Variants in CNTN6 observed in about 807,000 individuals in gnomAD.
CNTN6 encodes the protein contactin 6.
A neutral mutation model predicts 122.8 loss-of-function variants in CNTN6; 137 were observed. That is an observed-to-expected ratio of 1.12 (90% CI 0.97 to 1.29). The LOEUF (loss-of-function observed/expected upper bound fraction) is 1.29, where lower values mean the gene tolerates loss of function less well. CNTN6 is among the 50% of genes most tolerant of loss of function. CNTN6 has a pLI of 0.00. For synonymous variants in CNTN6, 570 were observed against 426.0 expected (o/e 1.34, Z -4.16); for missense variants, 1,634 against 1,223.4 (o/e 1.34, Z -5.01).
intron 1 of CNTN6, among the ~76,000 whole-genome samples, chr3:1,102,684 C>T (rs898782159): frequency 6.0e-5 from 9 of 149,592 alleles, no homozygotes; most frequent in East Asian, 2.0e-4. Flanking sequence ...GCAGAGATGG[C>T]GCCACCGCCC....
At chr3:1,204,523 C>A (rs1300131095) in intron 2 of CNTN6, among the ~76,000 whole-genome samples, 1 of 151,636 alleles carries the variant, frequency 6.6e-6, no homozygotes, top group Non-Finnish European at 1.5e-5. Context: ...TACATACAAA[C>A]AATTTCTCTA....
chr3:1,177,265 A>G (rs973652987), intron 2 of CNTN6, among the ~76,000 whole-genome samples: 1 of 152,196 alleles, frequency 6.6e-6, no homozygotes, highest in African/African-American at 2.4e-5. Flanking sequence ...GGGTTTGTTG[A>G]ATAAACTTGA....
chr3:1,184,875 T>C (rs2093607312), intron 2 of CNTN6, among the ~76,000 whole-genome samples: 1 of 152,090 alleles, frequency 6.6e-6, no homozygotes, highest in Non-Finnish European at 1.5e-5. Context: ...CTACTAGAAG[T>C]CCAAATTAGG....
At position 1,159,239 on chromosome 3, in the gene CNTN6, A is replaced by G. The variant is rs185562453; in HGVS notation, c.55+11176A>G. Among the ~76,000 whole-genome samples, 753 of 152,034 alleles carry G rather than the reference A, an allele frequency of 5.0e-3. 4 individuals carry two copies. The highest frequency in any genetic ancestry group is 8.7e-3 in the Non-Finnish European group (594 of 68,002). ...TCCCAGTGGATGCCTACAACCATGA[A>G]CAGTCCCAAGCCCTATACGCATTAT... On this transcript the variant is annotated intron_variant, in intron 2 of 22. Coordinates refer to ENST00000446702, the MANE Select transcript of CNTN6 (RefSeq NM_001289080.2).
intron 1 of CNTN6, among the ~76,000 whole-genome samples, chr3:1,145,544 T>C (rs2092706398): frequency 6.6e-6 from 1 of 152,148 alleles, no homozygotes. Flanking sequence ...GTAATTTACG[T>C]TATAAGCTGA....
intron 5 of CNTN6, among the ~76,000 whole-genome samples, chr3:1,290,803 G>A (rs544197601): frequency 3.9e-5 from 6 of 152,238 alleles, no homozygotes; most frequent in African/African-American, 9.6e-5. Context: ...TTGTCGTGGC[G>A]CTAATGGGAG....
chr3:1,386,423 A>ATCAGCCAGG (rs1373165307), intron 20 of CNTN6, among the ~76,000 whole-genome samples: 1 of 152,160 alleles, frequency 6.6e-6, no homozygotes, highest in Non-Finnish European at 1.5e-5. Context: ...TCCCCTGATA[A>ATCAGCCAGG]TCAGCCAGGT....
At chr3:1,127,241 A>G (rs952601983) in intron 1 of CNTN6, among the ~76,000 whole-genome samples, 2 of 151,806 alleles carry the variant, frequency 1.3e-5, no homozygotes, top group African/African-American at 4.8e-5. Flanking sequence ...AATAATAATT[A>G]CTCAATCACC....
intron 2 of CNTN6, among the ~76,000 whole-genome samples, chr3:1,159,190 T>C (rs1391420602): frequency 6.6e-6 from 1 of 151,922 alleles, no homozygotes; most frequent in Non-Finnish European, 1.5e-5. Flanking sequence ...TGGGGGCTTA[T>C]TCATGGAGGA....
chr3:1,391,011 T>C, intron 20 of CNTN6, among the ~76,000 whole-genome samples: 1 of 122,330 alleles, frequency 8.2e-6, no homozygotes, highest in African/African-American at 3.1e-5. Context: ...CTGAAACTAT[T>C]CCAATCAATA....
chr3:1,357,451 A>G (rs1289412465), intron 12 of CNTN6, among the ~76,000 whole-genome samples: 1 of 151,842 alleles, frequency 6.6e-6, no homozygotes, highest in Non-Finnish European at 1.5e-5. Context: ...AGGCACCATG[A>G]TAGGTTCTTT....
intron 13 of CNTN6, among the ~76,000 whole-genome samples, 161 bp from the exon 14 acceptor site, chr3:1,372,677 G>A (rs143111998): frequency 6.6e-6 from 1 of 152,070 alleles, no homozygotes; most frequent in Non-Finnish European, 1.5e-5. Flanking sequence ...TTATAATAAG[G>A]GGGATAATAA....
chr3:1,370,259 A>G (rs1016081645), intron 12 of CNTN6, among the ~76,000 whole-genome samples: 1 of 151,372 alleles, frequency 6.6e-6, no homozygotes, highest in Admixed American at 6.6e-5. Context: ...GTATACTTTA[A>G]GTTTTAGGGT....
At chr3:1,130,356 C>T (rs1056094731) in intron 1 of CNTN6, among the ~76,000 whole-genome samples, 1 of 151,996 alleles carries the variant, frequency 6.6e-6, no homozygotes, top group African/African-American at 2.4e-5. Flanking sequence ...ACTAAGTATC[C>T]CTGACTGAAG....
intron 4 of CNTN6, among the ~76,000 whole-genome samples, chr3:1,278,159 C>G (rs551695002): frequency 6.6e-6 from 1 of 152,266 alleles, no homozygotes; most frequent in South Asian, 2.1e-4. Flanking sequence ...GCTACACTGT[C>G]TGGAAGAATA....
At chr3:1,174,006 A>G (rs1210454555) in intron 2 of CNTN6, among the ~76,000 whole-genome samples, 1 of 152,190 alleles carries the variant, frequency 6.6e-6, no homozygotes, top group Non-Finnish European at 1.5e-5. Context: ...TACAAAATAC[A>G]CTGGAGAAAA....
intron 3 of CNTN6, among the ~76,000 whole-genome samples, chr3:1,226,726 G>T (rs1267567166): frequency 1.3e-5 from 2 of 151,764 alleles, no homozygotes; most frequent in East Asian, 3.9e-4. Flanking sequence ...TTTTCTGAAG[G>T]CTTTCATGTC....
At chr3:1,199,175 CTTTT>C (rs58536354) in intron 2 of CNTN6, among the ~76,000 whole-genome samples, 6 of 124,176 alleles carry the variant, frequency 4.8e-5, no homozygotes, top group Non-Finnish European at 6.5e-5. Flanking sequence ...ACAATATATG[CTTTT>C]TTTTTTTTTT....
chr3:1,381,968 A>G (rs1249803755), intron 17 of CNTN6, among the ~76,000 whole-genome samples: 5 of 82 alleles, frequency 0.061, no homozygotes, highest in Non-Finnish European at 0.095. Flanking sequence ...TCCAAGTGGC[A>G]AGTAGATAGT....
Sources: allele counts gnomAD v4.1 joint callset (sites outside exome capture counted in the v4.1 genomes callset), GRCh38; gene constraint gnomAD v4.1.1; transcripts MANE v1.5; gene names NCBI Gene and HGNC (gene_info 2026-07-23, HGNC 2026-07-21).